The following SPRY3 variants were observed in gnomAD, a reference collection of about 807,000 sequenced individuals.
SPRY3 encodes sprouty RTK signaling antagonist 3.
Under a neutral mutation model 20.2 loss-of-function variants are expected in SPRY3, and 15 were observed. The ratio of observed to expected loss-of-function variants is 0.74; its 90% confidence interval spans 0.50 to 1.14. The LOEUF is 1.14. Ranked by LOEUF, SPRY3 falls within the 50% of genes most tolerant of loss-of-function variation. The probability of loss-of-function intolerance (pLI) is 0.00; values close to 1 mark genes in which losing one functional copy is unlikely to be tolerated. For synonymous variants in SPRY3, 143 were observed against 136.5 expected (o/e 1.05, Z -0.33); for missense variants, 364 against 363.9 (o/e 1.00, Z 0.00).
chrX:155,660,172 T>C (rs1557353526), intron 2 of SPRY3, among the ~76,000 whole-genome samples: 1 of 111,651 alleles, frequency 9.0e-6, no homozygotes, highest in Non-Finnish European at 1.9e-5. Flanking sequence ...TACTATAAAC[T>C]CCCCCTTAGC....
At chrX:155,670,947 T>A (rs782723129) in intron 2 of SPRY3, among the ~76,000 whole-genome samples, 1 of 112,079 alleles carries the variant, frequency 8.9e-6, no homozygotes, top group Admixed American at 9.5e-5. Flanking sequence ...TCTGTACCAA[T>A]TACTACAGTC....
At chrX:155,643,707 A>T (rs1246087162) in intron 1 of SPRY3, among the ~76,000 whole-genome samples, 1 of 112,097 alleles carries the variant, frequency 8.9e-6, no homozygotes, top group Non-Finnish European at 1.9e-5. Flanking sequence ...TAACAACTTA[A>T]CATTGTTTGC....
intron 1 of SPRY3, among the ~76,000 whole-genome samples, chrX:155,638,579 ATCT>A (rs1384882825): frequency 2.8e-5 from 3 of 107,878 alleles, no homozygotes; most frequent in South Asian, 4.0e-4. Flanking sequence ...TCTGTATTAC[ATCT>A]TCTTCTTCAA....
intron 2 of SPRY3, among the ~76,000 whole-genome samples, chrX:155,725,209 G>C (rs771130606): frequency 6.6e-6 from 1 of 152,270 alleles, no homozygotes; most frequent in African/African-American, 2.4e-5. Flanking sequence ...TGTGCTGCTA[G>C]ATTCAGTTTG....
In SPRY3 at chrX:155,746,589, A is replaced by G. The variant is rs933609286; in HGVS notation, c.-281-21373A>G. 3.9e-5 allele frequency among the ~76,000 whole-genome samples: 6 copies of G among 151,994 alleles called. No homozygotes were observed. In the South Asian group the frequency reaches 6.2e-4, roughly 16 times the overall value. ...GGAGAAAACATTTTTGTTTATGTAT[A>G]TGTCAAGTCTTAAGATTGTTTCAAT... On this transcript the variant is annotated intron_variant, in intron 2 of 3. Transcript: ENST00000675360.
At chrX:155,767,211 G>C (rs1190956717) in intron 2 of SPRY3, among the ~76,000 whole-genome samples, 1 of 151,694 alleles carries the variant, frequency 6.6e-6, no homozygotes, top group African/African-American at 2.4e-5. Flanking sequence ...CTCCGGGAAA[G>C]CCAACGACAC....
intron 2 of SPRY3, among the ~76,000 whole-genome samples, chrX:155,720,425 T>G (rs1212660605): frequency 6.6e-6 from 1 of 152,070 alleles, no homozygotes; most frequent in African/African-American, 2.4e-5. Context: ...ACCTGCTGAT[T>G]GTAGAGACCC....
intron 2 of SPRY3, among the ~76,000 whole-genome samples, chrX:155,716,652 G>A (rs1033563175): frequency 7.9e-5 from 12 of 151,660 alleles, no homozygotes; most frequent in Admixed American, 7.2e-4. Flanking sequence ...TGCAGAATCT[G>A]TCTTCCCCGT....
At chrX:155,715,841 G>A (rs2091018512) in intron 2 of SPRY3, among the ~76,000 whole-genome samples, 1 of 152,154 alleles carries the variant, frequency 6.6e-6, no homozygotes, top group African/African-American at 2.4e-5. Context: ...CATTGTGACA[G>A]GGCAGCACTG....
chrX:155,728,807 G>A (rs777861980), intron 2 of SPRY3, among the ~76,000 whole-genome samples: 14 of 152,190 alleles, frequency 9.2e-5, no homozygotes, highest in East Asian at 3.9e-4. Flanking sequence ...CTCGCCCACC[G>A]TGGGCTGGAC....
chrX:155,741,469 C>G (rs1237072587), intron 2 of SPRY3, among the ~76,000 whole-genome samples: 2 of 152,082 alleles, frequency 1.3e-5, no homozygotes, highest in Non-Finnish European at 2.9e-5. Flanking sequence ...CCTAGCAAGA[C>G]AGGCCAACAT....
chrX:155,722,860 G>C (rs1320732321), intron 2 of SPRY3, among the ~76,000 whole-genome samples: 1 of 151,930 alleles, frequency 6.6e-6, no homozygotes, highest in Non-Finnish European at 1.5e-5. Context: ...GTATACATGT[G>C]CCATGTTGGT....
intron 1 of SPRY3, among the ~76,000 whole-genome samples, chrX:155,620,711 C>T (rs1269509660): frequency 9.0e-6 from 1 of 111,344 alleles, no homozygotes; most frequent in African/African-American, 3.3e-5. Context: ...AATGACAAAA[C>T]CCTTCGGAGT....
At chrX:155,771,179 C>T (rs776731141) in intron 3 of SPRY3, among the ~76,000 whole-genome samples, 9 of 152,220 alleles carry the variant, frequency 5.9e-5, no homozygotes, top group Non-Finnish European at 8.8e-5. Context: ...TTGCAGAAAT[C>T]GAATCAATAT....
chrX:155,760,174 G>A (rs2091298551), intron 2 of SPRY3, among the ~76,000 whole-genome samples: 1 of 152,172 alleles, frequency 6.6e-6, no homozygotes, highest in Admixed American at 6.5e-5. Flanking sequence ...CCTACCATTT[G>A]TTGAGTGCCT....
intron 2 of SPRY3, among the ~76,000 whole-genome samples, chrX:155,739,800 A>G (rs1289843936): frequency 2.0e-5 from 3 of 152,166 alleles, no homozygotes; most frequent in Non-Finnish European, 4.4e-5. Flanking sequence ...AGACCCCACA[A>G]AAACCCCCAT....
chrX:155,695,527 T>C (rs2068115965), intron 2 of SPRY3, among the ~76,000 whole-genome samples: 1 of 111,046 alleles, frequency 9.0e-6, no homozygotes, highest in African/African-American at 3.3e-5. Context: ...TGGAAAATTT[T>C]CAGCCATAAT....
At chrX:155,704,578 A>G (rs184540055) in intron 2 of SPRY3, among the ~76,000 whole-genome samples, 6 of 151,920 alleles carry the variant, frequency 3.9e-5, no homozygotes, top group Admixed American at 3.9e-4. Flanking sequence ...AAAGAAAAAG[A>G]GAGAAAGAAT....
intron 2 of SPRY3, among the ~76,000 whole-genome samples, chrX:155,727,795 CT>C (rs1388509694): frequency 6.6e-6 from 1 of 152,126 alleles, no homozygotes; most frequent in Non-Finnish European, 1.5e-5. Context: ...CTGAAGCCTA[CT>C]TCTGTCAACT....
Sources: gnomAD v4.1 joint callset for allele counts (sites outside exome capture counted in the v4.1 genomes callset) on GRCh38, gnomAD v4.1.1 for gene constraint, MANE v1.5 for transcripts, NCBI Gene and HGNC (gene_info 2026-07-23, HGNC 2026-07-21) for gene names.